DTWD2: variants seen among roughly 807,000 people sequenced by gnomAD.
DTWD2 encodes the protein tRNA-uridine aminocarboxypropyltransferase 2.
In DTWD2, 39 loss-of-function variants were observed where a neutral mutation model predicts 31.8. That is an observed-to-expected ratio of 1.22 (90% CI 0.95 to 1.60). The LOEUF (loss-of-function observed/expected upper bound fraction) is 1.60. Among genes scored for constraint, DTWD2 ranks in the 40% most tolerant of loss-of-function variants. The pLI is 0.00. For missense variants in DTWD2, 515 were observed against 381.5 expected, an observed-to-expected ratio of 1.35 and a Z score of -2.92; for synonymous variants, 180 against 142.8, an observed-to-expected ratio of 1.26 and a Z score of -1.86.
rs146034905 is a variant in DTWD2, at chr5:118,906,586, C to T, written c.597+21951G>A. Among the ~76,000 whole-genome samples, 290 of 151,882 alleles carry T rather than the reference C, an allele frequency of 1.9e-3. 1 individual carries two copies. Among genetic ancestry groups the T allele is most frequent in the African/African-American group, 6.8e-3 (282 of 41,398 alleles). ...AATAATTATGCTTAATAAAATGAAG[C>T]CATTAAGAGTACATAATCTATGATT... On this transcript the variant is annotated intron_variant, in intron 4 of 5. Transcript: ENST00000510708.
At chr5:118,861,114 G>C (rs541553706) in intron 4 of DTWD2, among the ~76,000 whole-genome samples, 9 of 152,264 alleles carry the variant, frequency 5.9e-5, no homozygotes, top group Admixed American at 2.6e-4. Context: ...CACATAGAAG[G>C]GTTCTAAAAA....
chr5:118,924,061 C>A (rs1254321873), intron 4 of DTWD2, among the ~76,000 whole-genome samples: 2 of 152,186 alleles, frequency 1.3e-5, no homozygotes, highest in Non-Finnish European at 2.9e-5. Context: ...CTACCTGGGA[C>A]CTCCAGGAAA....
At chr5:118,882,222 G>A (rs1752757611) in intron 4 of DTWD2, among the ~76,000 whole-genome samples, 1 of 152,162 alleles carries the variant, frequency 6.6e-6, no homozygotes, top group Non-Finnish European at 1.5e-5. Flanking sequence ...AAATCTTAAA[G>A]CTCCAAAATA....
At chr5:118,984,412 G>A (rs1412496797) in intron 1 of DTWD2, among the ~76,000 whole-genome samples, 1 of 150,792 alleles carries the variant, frequency 6.6e-6, no homozygotes, top group East Asian at 1.9e-4. Flanking sequence ...AGTGAGCTGA[G>A]ATTGCGCCAC....
chr5:118,842,391 T>C (rs1017731341), intron 5 of DTWD2, among the ~76,000 whole-genome samples: 1 of 152,164 alleles, frequency 6.6e-6, no homozygotes, highest in Non-Finnish European at 1.5e-5. Context: ...TTTTGTCCTT[T>C]TTTCCTGCCT....
chr5:118,970,083 A>G (rs532132650), intron 1 of DTWD2, among the ~76,000 whole-genome samples: 18 of 152,246 alleles, frequency 1.2e-4, no homozygotes, highest in South Asian at 2.1e-4. Flanking sequence ...AAAGAATCTC[A>G]GAGCTGTAAG....
chr5:118,972,197 G>GA (rs964203982), intron 1 of DTWD2, among the ~76,000 whole-genome samples: 14 of 151,978 alleles, frequency 9.2e-5, no homozygotes, highest in African/African-American at 3.1e-4. Flanking sequence ...GGTTTTTGGA[G>GA]AAAAAATAAC....
intron 5 of DTWD2, among the ~76,000 whole-genome samples, chr5:118,842,799 T>C (rs1177421540): frequency 1.3e-5 from 2 of 150,770 alleles, no homozygotes; most frequent in African/African-American, 4.9e-5. Context: ...TAGAAAAAAT[T>C]AGCCAGACAT....
At chr5:118,980,380 C>T (rs867914158) in intron 1 of DTWD2, among the ~76,000 whole-genome samples, 2 of 152,212 alleles carry the variant, frequency 1.3e-5, no homozygotes, top group South Asian at 4.1e-4. Context: ...GAAGCTCATA[C>T]TCCCTGTTGT....
At chr5:118,988,259 C>T (rs1296312544) in intron 1 of DTWD2, 35 bp downstream of exon 1, 2 of 1,530,376 alleles carry the variant, frequency 1.3e-6, no homozygotes, top group South Asian at 2.4e-5. Flanking sequence ...AAGGCCGCTG[C>T]CGGCTGCAGT....
intron 3 of DTWD2, among the ~76,000 whole-genome samples, chr5:118,929,566 G>A (rs1753879328): frequency 6.6e-6 from 1 of 151,946 alleles, no homozygotes; most frequent in South Asian, 2.1e-4. Flanking sequence ...TGTGATTCTG[G>A]GGACTGCCCG....
intron 4 of DTWD2, among the ~76,000 whole-genome samples, chr5:118,913,120 G>T (rs560217350): frequency 2.6e-5 from 4 of 152,014 alleles, no homozygotes; most frequent in Non-Finnish European, 4.4e-5. Flanking sequence ...CAGGGTCATC[G>T]CCAAGGTCTG....
chr5:118,955,622 C>T (rs1018402898), intron 1 of DTWD2, among the ~76,000 whole-genome samples: 1 of 152,110 alleles, frequency 6.6e-6, no homozygotes, highest in Non-Finnish European at 1.5e-5. Flanking sequence ...TTTGTTCTCA[C>T]TGTGCCAGAA....
chr5:118,851,695 G>C (rs866776785), intron 4 of DTWD2, among the ~76,000 whole-genome samples: 13 of 124,890 alleles, frequency 1.0e-4, no homozygotes, highest in African/African-American at 3.6e-4. Context: ...GTTGTGGGGT[G>C]GGGGGAGGGG....
chr5:118,935,817 T>C (rs1754032877), intron 3 of DTWD2, among the ~76,000 whole-genome samples: 1 of 152,206 alleles, frequency 6.6e-6, no homozygotes. Flanking sequence ...ACAATTTCCT[T>C]GATATTTGAG....
At chr5:118,944,423 TCCAAAAGAGA>T in intron 2 of DTWD2, 126 bp downstream of exon 2, 1 of 833,928 alleles carries the variant, frequency 1.2e-6, no homozygotes. Flanking sequence ...AACTATTTTT[TCCAAAAGAGA>T]AAGCATTTAT....
rs117922629 is a variant in DTWD2, at chr5:118,848,598, T to C, written c.598-380A>G. ...TTCACACTCAACAGAGTAGCTAAAATAAAAAAGGCTGCAGCTAAAATCAAA... is the reference window on the plus strand; with the variant it reads ...TTCACACTCAACAGAGTAGCTAAAACAAAAAAGGCTGCAGCTAAAATCAAA... On this transcript the variant is annotated intron_variant, in intron 4 of 5. Transcript: ENST00000510708. 2.1e-4 allele frequency among the ~76,000 whole-genome samples: 32 copies of C among 151,748 alleles called. No individual in the cohort carries two copies. The East Asian group carries it at 5.0e-3, about 24-fold the overall frequency.
intron 4 of DTWD2, among the ~76,000 whole-genome samples, chr5:118,859,696 A>T (rs1165974822): frequency 6.6e-6 from 1 of 152,218 alleles, no homozygotes; most frequent in East Asian, 1.9e-4. Flanking sequence ...ATTGTGTAAT[A>T]AGATAAGCTT....
chr5:118,955,751 T>C (rs775014352), intron 1 of DTWD2, among the ~76,000 whole-genome samples: 10 of 151,340 alleles, frequency 6.6e-5, no homozygotes, highest in Non-Finnish European at 1.3e-4. Flanking sequence ...AACCAGTGAA[T>C]AGCCACTATG....
Sources: allele counts gnomAD v4.1 joint callset (sites outside exome capture counted in the v4.1 genomes callset), GRCh38; gene constraint gnomAD v4.1.1; transcripts MANE v1.5; gene names NCBI Gene and HGNC (gene_info 2026-07-23, HGNC 2026-07-21).